The following AHCYL2 variants were observed in gnomAD, a reference collection of about 807,000 sequenced individuals.
The protein encoded by AHCYL2 is adenosylhomocysteinase like 2, also known as S-adenosylhomocysteine hydrolase-like protein 2.
AHCYL2 carries 28 observed loss-of-function variants against 81.4 expected under a neutral mutation model. The observed-to-expected ratio is 0.34, with a 90% CI of 0.25 to 0.47. The LOEUF is 0.47. AHCYL2 is among the 20% of genes least tolerant of loss of function. The pLI, the probability that AHCYL2 is intolerant of heterozygous loss-of-function variation, is 1.00. For synonymous variants in AHCYL2, 272 were observed against 290.2 expected, an observed-to-expected ratio of 0.94 and a Z score of 0.64; for missense variants, 551 against 785.1, an observed-to-expected ratio of 0.70 and a Z score of 3.56.
At chr7:129,348,402 C>CA (rs536572135) in intron 1 of AHCYL2, among the ~76,000 whole-genome samples, 2,026 of 149,596 alleles carry the variant, frequency 0.014, 40 homozygotes, top group African/African-American at 0.042. Context: ...AACCCCCCCC[C>CA]CACACACACA....
chr7:129,424,736 A>G (rs1277923146), intron 13 of AHCYL2, 138 bp from the exon 14 acceptor site: 3 of 825,476 alleles, frequency 3.6e-6, no homozygotes, highest in Non-Finnish European at 6.1e-6. Flanking sequence ...TAGTTCTTAT[A>G]TATTGAATAG....
chr7:129,425,012 G>T, intron 14 of AHCYL2, 51 bp from the exon 15 acceptor site: 1 of 1,613,032 alleles, frequency 6.2e-7, no homozygotes, highest in South Asian at 1.1e-5. Flanking sequence ...TCACTTGCTT[G>T]GGTAGATTGC....
chr7:129,239,371 G>A (rs983668302), intron 1 of AHCYL2, among the ~76,000 whole-genome samples: 7 of 151,900 alleles, frequency 4.6e-5, no homozygotes, highest in African/African-American at 1.5e-4. Flanking sequence ...TTTTGTATTC[G>A]TTGTTGAGTA....
intron 1 of AHCYL2, among the ~76,000 whole-genome samples, chr7:129,279,244 GTT>G (rs796201644): frequency 7.0e-6 from 1 of 143,162 alleles, no homozygotes; most frequent in Non-Finnish European, 1.5e-5. Flanking sequence ...GTGTTTGGTA[GTT>G]TTTTTTTTTT....
intron 2 of AHCYL2, among the ~76,000 whole-genome samples, chr7:129,387,093 T>G (rs1795238067): frequency 6.6e-6 from 1 of 152,272 alleles, no homozygotes. Flanking sequence ...TGACAAGTCA[T>G]GTTCTCCTAT....
intron 1 of AHCYL2, among the ~76,000 whole-genome samples, chr7:129,349,651 CAA>C (rs34969591): frequency 2.1e-4 from 18 of 86,102 alleles, no homozygotes; most frequent in Admixed American, 1.0e-3. Flanking sequence ...GACTCTGTTT[CAA>C]AAAAAAAAAA....
At chr7:129,275,944 T>C (rs1045896294) in intron 1 of AHCYL2, among the ~76,000 whole-genome samples, 1 of 152,098 alleles carries the variant, frequency 6.6e-6, no homozygotes, top group African/African-American at 2.4e-5. Context: ...TATACATTCT[T>C]TTTAGGGAGT....
At chr7:129,396,544 C>T (rs1322364303) in intron 4 of AHCYL2, among the ~76,000 whole-genome samples, 2 of 152,138 alleles carry the variant, frequency 1.3e-5, no homozygotes, top group Admixed American at 6.5e-5. Flanking sequence ...GCCTCAGCCT[C>T]CCGAGTAGCT....
chr7:129,423,064 A>G, intron 13 of AHCYL2, 126 bp downstream of exon 13: 1 of 681,494 alleles, frequency 1.5e-6, no homozygotes, highest in Non-Finnish European at 2.4e-6. Flanking sequence ...CTACTTTCCC[A>G]ATGGATTTTA....
intron 1 of AHCYL2, among the ~76,000 whole-genome samples, chr7:129,226,626 G>A (rs1794231030): frequency 6.6e-6 from 1 of 152,184 alleles, no homozygotes; most frequent in African/African-American, 2.4e-5. Flanking sequence ...TGTTGTCATA[G>A]CGTCATGATT....
chr7:129,329,202 T>C (rs191309659), intron 1 of AHCYL2, among the ~76,000 whole-genome samples: 110 of 152,248 alleles, frequency 7.2e-4, no homozygotes, highest in African/African-American at 2.5e-3. Flanking sequence ...TTGTTTGAGA[T>C]AGGGTCTCAT....
chr7:129,299,159 A>G (rs1167327481), intron 1 of AHCYL2, among the ~76,000 whole-genome samples: 1 of 151,558 alleles, frequency 6.6e-6, no homozygotes, highest in Admixed American at 6.6e-5. Flanking sequence ...AAATTTTTCA[A>G]CCATTTAAAA....
At chr7:129,344,778 A>G (rs1793302345) in intron 1 of AHCYL2, among the ~76,000 whole-genome samples, 1 of 152,166 alleles carries the variant, frequency 6.6e-6, no homozygotes, top group African/African-American at 2.4e-5. Flanking sequence ...ATGCGGAAAG[A>G]GTCCTTAAAA....
intron 1 of AHCYL2, among the ~76,000 whole-genome samples, chr7:129,354,269 G>A (rs1793664608): frequency 6.6e-6 from 1 of 152,180 alleles, no homozygotes; most frequent in Admixed American, 6.5e-5. Context: ...GAGGGAGATA[G>A]GAGAAGATGG....
chr7:129,288,066 C>A (rs1796700569), intron 1 of AHCYL2, among the ~76,000 whole-genome samples: 1 of 152,100 alleles, frequency 6.6e-6, no homozygotes, highest in Non-Finnish European at 1.5e-5. Context: ...AGCATAAAAA[C>A]CCAATGTTCA....
chr7:129,299,487 G>A lies in AHCYL2; in HGVS notation c.363+74048G>A, dbSNP rs542000308. On this transcript the variant is annotated intron_variant, in intron 1 of 16. Coordinates refer to ENST00000325006, the MANE Select transcript of AHCYL2 (RefSeq NM_015328.4). ...CGGCTCACTGCAAGCTCCGCCTCCC[G>A]GGTTCACGCCATTCTCCTGCCTCAG... Among the ~76,000 whole-genome samples, 946 of 140,362 alleles carry A rather than the reference G, an allele frequency of 6.7e-3. 9 individuals carry two copies. The highest frequency in any genetic ancestry group is 0.01 in the Non-Finnish European group (672 of 66,044). The allele number at this position is 140,362 out of a possible 152,430, so 92.1% of individuals were successfully genotyped here. A position where few individuals can be genotyped will look rare whatever the true frequency, so the allele number is the denominator to read the frequency against.
chr7:129,403,990 T>A (rs970261421), intron 7 of AHCYL2, among the ~76,000 whole-genome samples: 1 of 151,434 alleles, frequency 6.6e-6, no homozygotes, highest in Admixed American at 6.6e-5. Flanking sequence ...TTTTTTTTTT[T>A]AATTAACAAC....
chr7:129,317,314 A>G (rs993375370), intron 1 of AHCYL2, among the ~76,000 whole-genome samples: 1 of 152,220 alleles, frequency 6.6e-6, no homozygotes, highest in African/African-American at 2.4e-5. Flanking sequence ...TCTTTCCTCA[A>G]TTAACTAAAT....
rs1249200461 is a variant in AHCYL2 at position 129,419,695 on chromosome 7, T to C, written c.1462-3145T>C. Among the ~76,000 whole-genome samples, 2 of 151,968 alleles carry C rather than the reference T, an allele frequency of 1.3e-5. No homozygotes were observed. Among genetic ancestry groups the C allele is most frequent in the African/African-American group, 2.4e-5 (1 of 41,340 alleles). On this transcript the variant is annotated intron_variant, in intron 12 of 16. Coordinates refer to ENST00000325006, the MANE Select transcript of AHCYL2 (RefSeq NM_015328.4). The surrounding 1 kb of genome is among the most constrained non-coding windows in gnomAD (Gnocchi z 4.7). Reference sequence around the variant, plus strand: ...CCGAAGAACGATTTAACCTGAGACTTTGTGCTTTACAGGACTAGAACTACA... The same window carrying C: ...CCGAAGAACGATTTAACCTGAGACTCTGTGCTTTACAGGACTAGAACTACA...
Sources: gnomAD v4.1 joint callset for allele counts (sites outside exome capture counted in the v4.1 genomes callset) on GRCh38, gnomAD v4.1.1 for gene constraint, Gnocchi (gnomAD v3.1) non-coding constraint, MANE v1.5 for transcripts, NCBI Gene and HGNC (gene_info 2026-07-23, HGNC 2026-07-21) for gene names.